Variants in ADAM12 observed in about 807,000 individuals in gnomAD.
ADAM12 encodes the protein ADAM metallopeptidase domain 12.
In ADAM12, 70 loss-of-function variants were observed where a neutral mutation model predicts 106.4. The observed-to-expected ratio is 0.66, with a 90% CI of 0.54 to 0.80. ADAM12 has a LOEUF of 0.80. Among genes scored for constraint, ADAM12 ranks in the 30% least tolerant of loss-of-function variants. ADAM12 has a pLI of 0.00. For synonymous variants in ADAM12, 420 were observed against 433.5 expected (o/e 0.97, Z 0.39); for missense variants, 1,010 against 1,171.9 (o/e 0.86, Z 2.02).
chr10:126,170,161 T>C (rs1453488226), intron 3 of ADAM12, among the ~76,000 whole-genome samples: 1 of 152,088 alleles, frequency 6.6e-6, no homozygotes, highest in Non-Finnish European at 1.5e-5. Context: ...CCAGCTGAGC[T>C]CTCTTAAAAA....
chr10:126,348,643 A>C (rs1192646879), intron 1 of ADAM12, among the ~76,000 whole-genome samples: 1 of 152,156 alleles, frequency 6.6e-6, no homozygotes, highest in South Asian at 2.1e-4. Flanking sequence ...CTGCAGGATG[A>C]CTGAACTGAG....
intron 14 of ADAM12, among the ~76,000 whole-genome samples, chr10:126,052,951 T>C (rs1485246367): frequency 6.6e-6 from 1 of 152,146 alleles, no homozygotes; most frequent in Non-Finnish European, 1.5e-5. Flanking sequence ...CCAAGTCTCA[T>C]GTAGAATTAT....
intron 3 of ADAM12, among the ~76,000 whole-genome samples, chr10:126,169,576 C>A (rs1440002038): frequency 6.6e-6 from 1 of 152,110 alleles, no homozygotes; most frequent in Admixed American, 6.5e-5. Context: ...ATGAGGACTT[C>A]TTTCTACTCT....
chr10:126,132,535 C>A (rs975803416), intron 5 of ADAM12, among the ~76,000 whole-genome samples: 1 of 123,670 alleles, frequency 8.1e-6, no homozygotes. Flanking sequence ...CCCCCCCCCC[C>A]TCAACTAGTC....
At chr10:126,315,251 G>A (rs539074943) in intron 2 of ADAM12, among the ~76,000 whole-genome samples, 51 of 152,252 alleles carry the variant, frequency 3.3e-4, no homozygotes, top group Non-Finnish European at 6.5e-4. Context: ...AACTAAAGAC[G>A]TACGTTTCCA....
chr10:126,309,955 T>C (rs1961010258), intron 2 of ADAM12, among the ~76,000 whole-genome samples: 1 of 151,714 alleles, frequency 6.6e-6, no homozygotes, highest in Non-Finnish European at 1.5e-5. Context: ...GGTCAGAAGT[T>C]CAAGACCAGC....
At chr10:126,243,499 G>A (rs1049735870) in intron 3 of ADAM12, among the ~76,000 whole-genome samples, 3 of 151,530 alleles carry the variant, frequency 2.0e-5, no homozygotes, top group African/African-American at 4.8e-5. Context: ...ATGTGTGTGT[G>A]TGTGTGTGTG....
chr10:126,155,944 C>T (rs1956807668), intron 3 of ADAM12, among the ~76,000 whole-genome samples: 1 of 123,338 alleles, frequency 8.1e-6, no homozygotes, highest in Admixed American at 8.3e-5. Context: ...GGGAGGAAAC[C>T]CCGTTTATGC....
intron 3 of ADAM12, among the ~76,000 whole-genome samples, chr10:126,258,619 C>T (rs1958939824): frequency 1.3e-5 from 2 of 152,166 alleles, no homozygotes. Context: ...CTTGGTCTCC[C>T]TTTTTTATTA....
chr10:126,159,128 T>C (rs112431202), intron 3 of ADAM12, among the ~76,000 whole-genome samples: 2,834 of 151,696 alleles, frequency 0.019, 79 homozygotes, highest in African/African-American at 0.065. Context: ...GCTAATACGG[T>C]GAAACCCCGT....
Position 126,325,203 on chromosome 10 carries a change from G to A in ADAM12, c.186+5209C>T, listed in dbSNP as rs115573266. Reference sequence around the variant, plus strand: ...GAAGAGAGGAGTTCAGAGGAGGAGAGGGAATGGGTATCAAGATAAGTAAGA... The same window carrying A: ...GAAGAGAGGAGTTCAGAGGAGGAGAAGGAATGGGTATCAAGATAAGTAAGA... On this transcript the variant is annotated intron_variant, in intron 2 of 22. Transcript: ENST00000448723. Among the ~76,000 whole-genome samples the A allele has an allele frequency of 6.3e-3, 962 of 152,304 alleles. 18 individuals are homozygous for A. Among genetic ancestry groups the A allele is most frequent in the African/African-American group, 0.022 (916 of 41,560 alleles).
chr10:126,133,825 C>A (rs1956354161), intron 5 of ADAM12, among the ~76,000 whole-genome samples: 1 of 152,228 alleles, frequency 6.6e-6, no homozygotes, highest in African/African-American at 2.4e-5. Context: ...GCTTCAGGAG[C>A]TTTGCACATG....
intron 2 of ADAM12, among the ~76,000 whole-genome samples, chr10:126,295,313 A>G (rs1960319301): frequency 6.6e-6 from 1 of 152,150 alleles, no homozygotes; most frequent in African/African-American, 2.4e-5. Context: ...GGAGGACTAA[A>G]TGACATAGTT....
At chr10:126,051,580 T>TCCAGCCAGCCAGCCAG (rs1303239755) in intron 14 of ADAM12, among the ~76,000 whole-genome samples, 2,109 of 100,670 alleles carry the variant, frequency 0.021, 44 homozygotes, top group Non-Finnish European at 0.028. Flanking sequence ...CATCCATCCA[T>TCCAGCCAGCCAGCCAG]CCATCCATCC....
At chr10:126,056,133 T>C (rs1175071926) in intron 14 of ADAM12, among the ~76,000 whole-genome samples, 1 of 152,204 alleles carries the variant, frequency 6.6e-6, no homozygotes, top group Non-Finnish European at 1.5e-5. Context: ...AAAGGTTAAC[T>C]TTCTGTCTAC....
chr10:126,226,404 T>C (rs1435459156), intron 3 of ADAM12, among the ~76,000 whole-genome samples: 3 of 152,144 alleles, frequency 2.0e-5, no homozygotes, highest in African/African-American at 4.8e-5. Flanking sequence ...GGGATGCGTG[T>C]GCAGCCCTGC....
At chr10:126,020,011 C>T (rs1397242306) in intron 21 of ADAM12, among the ~76,000 whole-genome samples, 186 bp from the exon 22 acceptor site, 1 of 152,124 alleles carries the variant, frequency 6.6e-6, no homozygotes, top group Admixed American at 6.5e-5. Flanking sequence ...AAGACTTATC[C>T]ATGGATCGTA....
chr10:126,105,084 G>A (rs895209272), intron 8 of ADAM12, among the ~76,000 whole-genome samples: 4 of 152,162 alleles, frequency 2.6e-5, no homozygotes, highest in Admixed American at 2.0e-4. Flanking sequence ...AGGGGTAGCT[G>A]TGTGCTCAGC....
At chr10:126,353,679 C>T (rs1024582339) in intron 1 of ADAM12, among the ~76,000 whole-genome samples, 2 of 151,882 alleles carry the variant, frequency 1.3e-5, no homozygotes, top group African/African-American at 4.9e-5. Context: ...TCTTCTAATA[C>T]TAACCACTAT....
Sources: gnomAD v4.1 joint callset for allele counts (sites outside exome capture counted in the v4.1 genomes callset) on GRCh38, gnomAD v4.1.1 for gene constraint, MANE v1.5 for transcripts, NCBI Gene and HGNC (gene_info 2026-07-23, HGNC 2026-07-21) for gene names.